KALRN: variants seen among roughly 807,000 people sequenced by gnomAD.
KALRN encodes kalirin RhoGEF kinase.
In KALRN, 70 loss-of-function variants were observed where a neutral mutation model predicts 353.7. The observed-to-expected ratio is 0.20, with a 90% CI of 0.16 to 0.24. The LOEUF (loss-of-function observed/expected upper bound fraction) is 0.24, where lower values mean the gene tolerates loss of function less well. Among genes scored for constraint, KALRN ranks in the 10% least tolerant of loss-of-function variants. KALRN has a pLI of 1.00. For synonymous variants in KALRN, 1,391 were observed against 1,434.8 expected, an observed-to-expected ratio of 0.97 and a Z score of 0.69; for missense variants, 2,791 against 3,756.7, an observed-to-expected ratio of 0.74 and a Z score of 6.72.
intron 37 of KALRN, among the ~76,000 whole-genome samples, chr3:124,646,213 T>G (rs184555063): frequency 1.3e-5 from 2 of 152,228 alleles, no homozygotes; most frequent in Non-Finnish European, 2.9e-5. Flanking sequence ...TAATAAATTC[T>G]TGGAGTCCTC....
rs748067012 is a variant in KALRN, at chr3:124,671,714, G to T, written c.6758G>T (p.Arg2253Met). 1.9e-6 allele frequency: 3 copies of T among 1,614,112 alleles called. No individual in the cohort carries two copies. In the South Asian group the frequency reaches 3.3e-5, roughly 18 times the overall value. Residue 2253 changes from arginine (R) to methionine (M), a missense_variant, in exon 48 of 60, where the codon AGG (arginine) becomes ATG (methionine). Physicochemically the swap from Arg to Met is moderately conservative, Grantham distance 91. Around this residue, in one of 11 missense-constraint regions of KALRN, gnomAD observed 1,065 missense variants for 1,156.4 expected, o/e 0.92. Coordinates refer to ENST00000682506, the MANE Select transcript of KALRN (RefSeq NM_001388419.1). Reference protein sequence around the residue: ...QRKERSTAVMRSQPARLPQAS... With the variant: ...QRKERSTAVMMSQPARLPQAS... ...AAAGAAAGGAGCACAGCTGTGATGA[G>T]GTCTCAACCTGCCAGGCTTCCCCAA...
intron 33 of KALRN, among the ~76,000 whole-genome samples, chr3:124,509,559 G>A (rs1323792654): frequency 6.6e-6 from 1 of 152,160 alleles, no homozygotes; most frequent in Non-Finnish European, 1.5e-5. Flanking sequence ...ACAGAATAGT[G>A]TACCAACATG....
At chr3:124,147,922 T>G (rs2067568290) in intron 1 of KALRN, among the ~76,000 whole-genome samples, 1 of 152,232 alleles carries the variant, frequency 6.6e-6, no homozygotes, top group African/African-American at 2.4e-5. Flanking sequence ...ATTGAATGTT[T>G]GATTCAGAGC....
At chr3:124,658,389 C>T in intron 41 of KALRN, 42 bp from the exon 42 acceptor site, 1 of 1,470,256 alleles carries the variant, frequency 6.8e-7, no homozygotes. Context: ...ACAAAAGACA[C>T]AAGATGCCTG....
intron 1 of KALRN, among the ~76,000 whole-genome samples, chr3:124,094,355 T>C (rs970480173): frequency 6.6e-6 from 1 of 152,226 alleles, no homozygotes; most frequent in Admixed American, 6.5e-5. Context: ...GCTCCCAGGC[T>C]CCTGGACTGG....
chr3:124,607,305 A>G (rs1410119613), intron 34 of KALRN, among the ~76,000 whole-genome samples: 3 of 87,380 alleles, frequency 3.4e-5, no homozygotes, highest in Non-Finnish European at 6.5e-5. Flanking sequence ...ATTCAACGAC[A>G]TAGTATAAAC....
rs767151194 is a variant in KALRN at position 124,413,557 on chromosome 3, C to A, written c.2434C>A (p.Arg812=). 6.2e-7 allele frequency: 1 copy of A among 1,614,058 alleles called. No individual in the cohort carries two copies. Among genetic ancestry groups the A allele is most frequent in the South Asian group, 1.1e-5 (1 of 91,066 alleles). The part of the protein sequence containing the change: ...NTEDLTLAEQ[R]LQRHTERKLA... ...AGAGGACCTAACCCTGGCAGAACAG[C>A]GGCTGCAGCGCCACACAGAACGGAA... Residue 812 remains arginine, a synonymous_variant, in exon 14 of 60, where the codon CGG becomes AGG. Transcript: ENST00000682506.
intron 1 of KALRN, among the ~76,000 whole-genome samples, chr3:124,181,574 G>A (rs1415795567): frequency 6.6e-6 from 1 of 152,136 alleles, no homozygotes; most frequent in African/African-American, 2.4e-5. Context: ...CCTGATGCAG[G>A]TGTAAATCCC....
chr3:124,298,692 CCAG>C lies in KALRN; in HGVS notation c.970-95_970-93del, dbSNP rs1404049656. On this transcript the variant is annotated intron_variant, in intron 5 of 59. Coordinates refer to ENST00000682506, the MANE Select transcript of KALRN (RefSeq NM_001388419.1). The stretch of plus-strand genomic sequence containing the variant: ...AACAATAACTGGTTCTCACTGAGCA[CCAG>C]CAGGAGAGCTTTTTCCCCTTCCACT... 4.4e-6 allele frequency: 6 copies of C among 1,363,752 alleles called. No homozygotes were observed. The East Asian group carries it at 1.4e-4, about 31-fold the overall frequency. 84.5% of individuals were successfully genotyped at this position (1,363,752 alleles called of 1,614,324 possible). A position where few individuals can be genotyped will look rare whatever the true frequency, so the allele number is the denominator to read the frequency against.
At chr3:124,229,185 T>C (rs1374823109) in intron 2 of KALRN, among the ~76,000 whole-genome samples, 1 of 152,226 alleles carries the variant, frequency 6.6e-6, no homozygotes, top group Non-Finnish European at 1.5e-5. Context: ...GCAGAGACCA[T>C]TTGGCCCATG....
chr3:124,335,107 G>A (rs112984351), intron 9 of KALRN, among the ~76,000 whole-genome samples: 13,190 of 152,030 alleles, frequency 0.087, 1,879 homozygotes, highest in African/African-American at 0.3. Flanking sequence ...TTTTCTTTTG[G>A]TGAGCTTGAC....
chr3:124,261,546 T>C (rs149328899), intron 3 of KALRN, among the ~76,000 whole-genome samples: 8 of 152,342 alleles, frequency 5.3e-5, no homozygotes, highest in Non-Finnish European at 1.0e-4. Context: ...CCTGAGTTAT[T>C]GAGAACCTCC....
chr3:124,679,349 A>G (rs2087535384), intron 50 of KALRN, 109 bp from the exon 51 acceptor site: 1 of 919,080 alleles, frequency 1.1e-6, no homozygotes, highest in Non-Finnish European at 1.7e-6. Flanking sequence ...TTCTCTGCCC[A>G]AGATCCCATC....
intron 34 of KALRN, among the ~76,000 whole-genome samples, chr3:124,568,704 C>T (rs531094061): frequency 2.6e-5 from 4 of 152,286 alleles, no homozygotes; most frequent in African/African-American, 9.6e-5. Flanking sequence ...ATGAATGAAC[C>T]TTGAGGACAT....
At chr3:124,092,893 C>T (rs1022649554) in intron 1 of KALRN, among the ~76,000 whole-genome samples, 15 of 152,144 alleles carry the variant, frequency 9.9e-5, no homozygotes, top group Non-Finnish European at 1.8e-4. Flanking sequence ...TCTTGTTACT[C>T]GTGAAGGGAG....
chr3:124,350,288 A>G (rs1158131938), intron 10 of KALRN, among the ~76,000 whole-genome samples: 1 of 152,230 alleles, frequency 6.6e-6, no homozygotes, highest in African/African-American at 2.4e-5. Flanking sequence ...AGCGGCAAAG[A>G]CACATGAATT....
intron 29 of KALRN, among the ~76,000 whole-genome samples, chr3:124,489,490 C>T (rs1468403701): frequency 6.6e-6 from 1 of 152,174 alleles, no homozygotes; most frequent in African/African-American, 2.4e-5. Context: ...ACTTCCCAGA[C>T]CATCCTTAGC....
At chr3:124,040,410 A>G (rs955901435) in intron 1 of KALRN, among the ~76,000 whole-genome samples, 2 of 151,922 alleles carry the variant, frequency 1.3e-5, no homozygotes, top group African/African-American at 2.4e-5. Flanking sequence ...ACCCCCCATC[A>G]TAGAACATTT....
chr3:124,075,577 G>C (rs2060220056), intron 1 of KALRN, among the ~76,000 whole-genome samples: 1 of 152,078 alleles, frequency 6.6e-6, no homozygotes, highest in South Asian at 2.1e-4. Flanking sequence ...TCTTTCTCCA[G>C]GTTCTCTGTG....
Sources: allele counts gnomAD v4.1 joint callset (sites outside exome capture counted in the v4.1 genomes callset), GRCh38; gene constraint gnomAD v4.1.1; regional missense constraint gnomAD v4.1.1; transcripts MANE v1.5; gene names NCBI Gene and HGNC (gene_info 2026-07-23, HGNC 2026-07-21).